ARL15: variants seen among roughly 807,000 people sequenced by gnomAD.
The protein encoded by ARL15 is ARF like GTPase 15, also known as ADP-ribosylation factor-like protein 15.
In ARL15, 19 loss-of-function variants were observed where a neutral mutation model predicts 25.2. The observed-to-expected ratio is 0.75, with a 90% CI of 0.53 to 1.10. The LOEUF is 1.10. Ranked by LOEUF, ARL15 falls within the 50% of genes least tolerant of loss-of-function variation. The probability of loss-of-function intolerance (pLI) is 0.00; values close to 1 mark genes in which losing one functional copy is unlikely to be tolerated. For missense variants in ARL15, 220 were observed against 246.0 expected, an observed-to-expected ratio of 0.89 and a Z score of 0.71; for synonymous variants, 94 against 86.8, an observed-to-expected ratio of 1.08 and a Z score of -0.46.
At chr5:53,911,445 T>A (rs1036725683) in intron 4 of ARL15, among the ~76,000 whole-genome samples, 12 of 152,172 alleles carry the variant, frequency 7.9e-5, no homozygotes, top group African/African-American at 2.9e-4. Context: ...GGTGATAGGA[T>A]TTTAACTGTA....
At chr5:53,969,830 G>A (rs1747678737) in intron 4 of ARL15, among the ~76,000 whole-genome samples, 1 of 151,512 alleles carries the variant, frequency 6.6e-6, no homozygotes, top group Non-Finnish European at 1.5e-5. Flanking sequence ...ACTCTTTATT[G>A]GTAAAAAAAA....
intron 1 of ARL15, among the ~76,000 whole-genome samples, chr5:54,201,906 A>G (rs916084337): frequency 6.6e-6 from 1 of 152,190 alleles, no homozygotes; most frequent in African/African-American, 2.4e-5. Context: ...ATTTAAAATT[A>G]TATAGGGATA....
chr5:53,911,457 C>T (rs779794466), intron 4 of ARL15, among the ~76,000 whole-genome samples: 14 of 151,942 alleles, frequency 9.2e-5, no homozygotes, highest in Non-Finnish European at 1.9e-4. Flanking sequence ...TTAACTGTAC[C>T]GTCCAGTTCT....
In ARL15 at chr5:54,183,296, T is replaced by C. The variant is rs962781564; in HGVS notation, c.49-11368A>G. Among the ~76,000 whole-genome samples, 75 of 112,752 alleles carry C rather than the reference T, an allele frequency of 6.7e-4. 3 individuals carry two copies. Among genetic ancestry groups the C allele is most frequent in the African/African-American group, 2.3e-3 (70 of 30,690 alleles). The allele number at this position is 112,752 out of a possible 152,430, so 74.0% of individuals were successfully genotyped here. A position where few individuals can be genotyped will look rare whatever the true frequency, so the allele number is the denominator to read the frequency against. On this transcript the variant is annotated intron_variant, in intron 1 of 4. Coordinates refer to ENST00000504924, the MANE Select transcript of ARL15 (RefSeq NM_019087.3). ...ATATTGGCTGTGGGTTTGTCATAGA[T>C]AGCTCTTATTATTTTGAAATACGTC...
At chr5:54,017,994 AT>A (rs11359023) in intron 4 of ARL15, among the ~76,000 whole-genome samples, 7,155 of 151,558 alleles carry the variant, frequency 0.047, 228 homozygotes, top group Middle Eastern at 0.079. Flanking sequence ...AGGGGTAAAC[AT>A]TTTTTTTTAA....
intron 4 of ARL15, among the ~76,000 whole-genome samples, chr5:53,983,951 C>G (rs1748207841): frequency 6.6e-6 from 1 of 152,184 alleles, no homozygotes. Flanking sequence ...CCCAAGCTTC[C>G]ATTTATGCTC....
intron 1 of ARL15, among the ~76,000 whole-genome samples, chr5:54,192,543 C>T (rs1755435739): frequency 6.6e-6 from 1 of 151,158 alleles, no homozygotes; most frequent in African/African-American, 2.4e-5. Context: ...GAACATGCAT[C>T]CTTTTAAATC....
At chr5:54,294,149 T>C (rs1461673517) in intron 1 of ARL15, among the ~76,000 whole-genome samples, 1 of 152,212 alleles carries the variant, frequency 6.6e-6, no homozygotes, top group Non-Finnish European at 1.5e-5. Context: ...AAAAGTATCA[T>C]GCAATACTGC....
At chr5:54,185,429 C>G (rs697094) in intron 1 of ARL15, among the ~76,000 whole-genome samples, 3,445 of 152,294 alleles carry the variant, frequency 0.023, 51 homozygotes, top group South Asian at 0.058. Flanking sequence ...TAACACTCAT[C>G]ATTCTGTCAA....
chr5:54,259,616 C>A (rs1757448442), intron 1 of ARL15, among the ~76,000 whole-genome samples: 1 of 152,054 alleles, frequency 6.6e-6, no homozygotes, highest in Non-Finnish European at 1.5e-5. Flanking sequence ...CATTCAGACA[C>A]CCAAAAATCA....
chr5:53,930,606 A>T (rs2112048923), intron 4 of ARL15, among the ~76,000 whole-genome samples: 1 of 152,228 alleles, frequency 6.6e-6, no homozygotes, highest in South Asian at 2.1e-4. Context: ...GTCATTACAG[A>T]ACACACTCTA....
intron 4 of ARL15, among the ~76,000 whole-genome samples, chr5:54,106,846 G>A (rs562327721): frequency 6.6e-6 from 1 of 151,944 alleles, no homozygotes; most frequent in Admixed American, 6.6e-5. Context: ...GAAGTTATAG[G>A]CGAAATTCTA....
chr5:53,928,760 T>C (rs1374944217), intron 4 of ARL15, among the ~76,000 whole-genome samples: 3 of 152,212 alleles, frequency 2.0e-5, no homozygotes, highest in African/African-American at 7.2e-5. Flanking sequence ...TATTATACAA[T>C]GCTCAGCAGA....
At chr5:53,932,113 A>G (rs1379106279) in intron 4 of ARL15, among the ~76,000 whole-genome samples, 1 of 152,236 alleles carries the variant, frequency 6.6e-6, no homozygotes, top group Non-Finnish European at 1.5e-5. Context: ...TTAACTTGAT[A>G]AACTAAGAAG....
Position 53,944,714 on chromosome 5 carries a change from ATTAT to A in ARL15, c.463-58005_463-58002del, listed in dbSNP as rs759728607. ...ATCCTTTTCCTTGATTTCTTTGCTA[ATTAT>A]TTGTCTGCTTTTCTAGAATTGCTAA... is the stretch of plus-strand genomic sequence containing the variant. On this transcript the variant is annotated intron_variant, in intron 4 of 4. Coordinates refer to ENST00000504924, the MANE Select transcript of ARL15 (RefSeq NM_019087.3). 3.9e-5 allele frequency among the ~76,000 whole-genome samples: 6 copies of A among 152,250 alleles called. No homozygotes were observed. The South Asian group carries it at 1.2e-3, about 32-fold the overall frequency.
At chr5:54,046,108 G>C (rs1750502516) in intron 4 of ARL15, among the ~76,000 whole-genome samples, 1 of 152,182 alleles carries the variant, frequency 6.6e-6, no homozygotes, top group Non-Finnish European at 1.5e-5. Context: ...GATTGAACTA[G>C]TATGTATTAA....
chr5:54,150,185 C>T (rs555564344), intron 3 of ARL15, among the ~76,000 whole-genome samples: 60 of 152,324 alleles, frequency 3.9e-4, no homozygotes, highest in Admixed American at 1.1e-3. Flanking sequence ...GCATGTAATA[C>T]ATGCTCAGTA....
chr5:54,123,858 A>C (rs1753165172), intron 3 of ARL15, among the ~76,000 whole-genome samples: 1 of 152,226 alleles, frequency 6.6e-6, no homozygotes, highest in Non-Finnish European at 1.5e-5. Flanking sequence ...TATAAGTGTT[A>C]ATGTGTCATA....
chr5:54,222,370 T>C (rs1028592613), intron 1 of ARL15, among the ~76,000 whole-genome samples: 1 of 152,152 alleles, frequency 6.6e-6, no homozygotes, highest in Middle Eastern at 3.2e-3. Context: ...TAGTCAATGA[T>C]TTGGCTAGGA....
Sources: allele counts gnomAD v4.1 joint callset (sites outside exome capture counted in the v4.1 genomes callset), GRCh38; gene constraint gnomAD v4.1.1; transcripts MANE v1.5; gene names NCBI Gene and HGNC (gene_info 2026-07-23, HGNC 2026-07-21).